The following GRIA2 variants were observed in gnomAD, a reference collection of about 807,000 sequenced individuals.
The protein encoded by GRIA2 is glutamate ionotropic receptor AMPA type subunit 2, also known as glutamate receptor 2.
Under a neutral mutation model 97.3 loss-of-function variants are expected in GRIA2, and 14 were observed. The observed-to-expected ratio is 0.14, with a 90% CI of 0.10 to 0.23. GRIA2 has a LOEUF of 0.23. Ranked by LOEUF, GRIA2 falls within the 10% of genes least tolerant of loss-of-function variation. The pLI, the probability that GRIA2 is intolerant of heterozygous loss-of-function variation, is 1.00. For missense variants in GRIA2, 558 were observed against 1,069.8 expected (o/e 0.52, Z 6.67); for synonymous variants, 412 against 387.8 (o/e 1.06, Z -0.73).
intron 2 of GRIA2, among the ~76,000 whole-genome samples, chr4:157,284,605 A>G (rs1370392470): frequency 2.0e-5 from 3 of 151,706 alleles, no homozygotes; most frequent in African/African-American, 7.2e-5. Context: ...TGTAACTCAT[A>G]TCTCATATTT....
intron 2 of GRIA2, chr4:157,249,318 T>A (rs1180305160): frequency 8.5e-5 from 13 of 152,170 alleles, no homozygotes; most frequent in Non-Finnish European, 1.5e-5. Flanking sequence ...TTTAGATACA[T>A]CCTTCAACAT....
chr4:157,315,491 A>T (rs1331630917), intron 4 of GRIA2, among the ~76,000 whole-genome samples: 1 of 151,254 alleles, frequency 6.6e-6, no homozygotes. Flanking sequence ...CAATAAATTA[A>T]ATTTTATTAG....
At chr4:157,333,012 C>T (rs753444287) in intron 7 of GRIA2, 26 bp downstream of exon 7, 23 of 1,552,794 alleles carry the variant, frequency 1.5e-5, no homozygotes, top group East Asian at 2.3e-5. Context: ...TAATCGTTAA[C>T]GTGACTTAAT....
At chr4:157,284,004 ATAGTAAATTCATAT>A (rs1732726200) in intron 2 of GRIA2, among the ~76,000 whole-genome samples, 1 of 151,962 alleles carries the variant, frequency 6.6e-6, no homozygotes, top group Non-Finnish European at 1.5e-5. Context: ...CAGCATTAAT[ATAGTAAATTCATAT>A]TTAGTAGAAA....
chr4:157,338,008 GTATATATATATATATATATATATA>G (rs70958818), intron 11 of GRIA2, among the ~76,000 whole-genome samples: 12 of 79,326 alleles, frequency 1.5e-4, no homozygotes, highest in African/African-American at 4.0e-4. Flanking sequence ...ATATATATGT[GTATATATATATATATATATATATA>G]TATATATATA....
intron 12 of GRIA2, among the ~76,000 whole-genome samples, chr4:157,349,892 C>T (rs1186701724): frequency 2.6e-5 from 4 of 152,092 alleles, no homozygotes; most frequent in African/African-American, 9.7e-5. Context: ...TAAGTTCCTT[C>T]TCTGTGGTAA....
At chr4:157,285,123 G>A (rs1001760826) in intron 2 of GRIA2, among the ~76,000 whole-genome samples, 1 of 151,510 alleles carries the variant, frequency 6.6e-6, no homozygotes, top group Non-Finnish European at 1.5e-5. Flanking sequence ...GATATGGCAG[G>A]GTACCTCAAT....
At chr4:157,263,694 G>A (rs114832650) in intron 2 of GRIA2, among the ~76,000 whole-genome samples, 7 of 151,154 alleles carry the variant, frequency 4.6e-5, no homozygotes, top group African/African-American at 1.7e-4. Flanking sequence ...GGCTGCCTTG[G>A]CAGACATTTA....
intron 3 of GRIA2, among the ~76,000 whole-genome samples, chr4:157,305,674 C>T (rs986213181): frequency 6.6e-6 from 1 of 152,054 alleles, no homozygotes; most frequent in African/African-American, 2.4e-5. Flanking sequence ...ATTCTTACTC[C>T]TCCTTGAGAA....
intron 11 of GRIA2, among the ~76,000 whole-genome samples, chr4:157,339,963 T>A (rs924196627): frequency 7.9e-5 from 12 of 151,928 alleles, no homozygotes; most frequent in Non-Finnish European, 1.5e-4. Context: ...GACTTTGTGA[T>A]AAAGTCCCTT....
intron 3 of GRIA2, among the ~76,000 whole-genome samples, chr4:157,307,454 G>A (rs1203854011): frequency 1.3e-5 from 2 of 152,168 alleles, no homozygotes; most frequent in Non-Finnish European, 2.9e-5. Context: ...GGTGCCAGGT[G>A]ATCTTTTAGG....
chr4:157,336,580 A>G lies in GRIA2; in HGVS notation c.1677A>G (p.Val559=), dbSNP rs757989175. The G allele has an allele frequency of 1.2e-6, 2 of 1,613,284 alleles. No individual in the cohort carries two copies. The highest frequency in any genetic ancestry group is 3.3e-5 in the Admixed American group (2 of 59,924). ...CIVFAYIGVS[V]VLFLVSRFSP... The stretch of plus-strand genomic sequence containing the variant: ...TTTTTGCCTACATTGGGGTCAGTGT[A>G]GTTTTATTCCTGGTCAGCAGATTTA... Residue 559 remains valine, a synonymous_variant, in exon 11 of 16, where the codon GTA becomes GTG. Transcript: ENST00000264426.
At chr4:157,282,161 C>T (rs1732635775) in intron 2 of GRIA2, among the ~76,000 whole-genome samples, 1 of 152,058 alleles carries the variant, frequency 6.6e-6, no homozygotes, top group Non-Finnish European at 1.5e-5. Flanking sequence ...CTAATAGTCT[C>T]TGTGATGATT....
chr4:157,296,594 A>G (rs1414360731), intron 2 of GRIA2, among the ~76,000 whole-genome samples: 3 of 152,158 alleles, frequency 2.0e-5, no homozygotes, highest in East Asian at 3.9e-4. Context: ...GATAGACAGG[A>G]GAGGAATTAA....
chr4:157,246,978 A>G (rs531768120), intron 2 of GRIA2, among the ~76,000 whole-genome samples: 2 of 152,154 alleles, frequency 1.3e-5, no homozygotes, highest in Non-Finnish European at 2.9e-5. Flanking sequence ...GATATTTCAT[A>G]TGCTTTAACT....
rs1177049894 is a variant in GRIA2, at chr4:157,364,897, G to A, written c.*1466G>A. On this transcript the variant is annotated 3_prime_UTR_variant, in exon 16 of 16. Coordinates refer to ENST00000264426, the MANE Select transcript of GRIA2 (RefSeq NM_001083619.3). The stretch of plus-strand genomic sequence containing the variant: ...AGTGTGGATAAAATGTCACATTTCT[G>A]TAACTTTTGACTAAAGAGCCTATAT... 1 of 151,350 alleles carries A rather than the reference G, an allele frequency of 6.6e-6. No individual in the cohort carries two copies. Among genetic ancestry groups the A allele is most frequent in the African/African-American group, 2.4e-5 (1 of 41,282 alleles). The allele number at this position is 151,350 out of a possible 1,614,324, so 9.4% of individuals were successfully genotyped here. A position where few individuals can be genotyped will look rare whatever the true frequency, so the allele number is the denominator to read the frequency against.
intron 15 of GRIA2, 26 bp downstream of exon 15, chr4:157,363,073 T>A (rs1467976738): frequency 6.3e-7 from 1 of 1,580,248 alleles, no homozygotes; most frequent in Non-Finnish European, 8.6e-7. Context: ...TAATACAAAC[T>A]TTTTAGTGCA....
At chr4:157,355,091 C>A (rs570689102) in intron 12 of GRIA2, among the ~76,000 whole-genome samples, 21 of 152,198 alleles carry the variant, frequency 1.4e-4, no homozygotes, top group African/African-American at 5.1e-4. Flanking sequence ...GAGTGAGGGG[C>A]TTTTATCATT....
intron 2 of GRIA2, among the ~76,000 whole-genome samples, chr4:157,256,214 T>C (rs908716080): frequency 3.3e-5 from 4 of 120,592 alleles, no homozygotes; most frequent in Admixed American, 9.0e-5. Flanking sequence ...ATATATGTTA[T>C]ATATAATATA....
Sources: gnomAD v4.1 joint callset for allele counts (sites outside exome capture counted in the v4.1 genomes callset) on GRCh38, gnomAD v4.1.1 for gene constraint, MANE v1.5 for transcripts, NCBI Gene and HGNC (gene_info 2026-07-23, HGNC 2026-07-21) for gene names.